CCSER2: variants seen among roughly 807,000 people sequenced by gnomAD.
CCSER2 encodes the protein serine-rich coiled-coil domain-containing protein 2.
Under a neutral mutation model 92.3 loss-of-function variants are expected in CCSER2, and 46 were observed. The observed-to-expected ratio is 0.50, with a 90% CI of 0.39 to 0.64. The LOEUF is 0.64. CCSER2 is among the 30% of genes least tolerant of loss of function. The pLI is 0.00. For synonymous variants in CCSER2, 433 were observed against 431.4 expected, an observed-to-expected ratio of 1.00 and a Z score of -0.04; for missense variants, 1,244 against 1,238.9, an observed-to-expected ratio of 1.00 and a Z score of -0.06.
intron 9 of CCSER2, among the ~76,000 whole-genome samples, chr10:84,489,423 T>C (rs535184208): frequency 1.3e-5 from 2 of 152,328 alleles, no homozygotes; most frequent in South Asian, 4.1e-4. Flanking sequence ...TGGGTGCTCC[T>C]GTATTGGGTG....
chr10:84,496,206 T>C (rs368148361), intron 9 of CCSER2, among the ~76,000 whole-genome samples: 1 of 152,204 alleles, frequency 6.6e-6, no homozygotes, highest in Non-Finnish European at 1.5e-5. Flanking sequence ...TTCTTAAATA[T>C]TTTTTATGCG....
chr10:84,500,017 T>G, intron 9 of CCSER2: 1 of 1,612,092 alleles, frequency 6.2e-7, no homozygotes, highest in East Asian at 2.2e-5. Flanking sequence ...GGTATTTCCC[T>G]TCTGCATGAC....
intron 3 of CCSER2, among the ~76,000 whole-genome samples, chr10:84,402,040 A>G (rs912461442): frequency 2.0e-5 from 3 of 152,140 alleles, no homozygotes; most frequent in Admixed American, 6.6e-5. Context: ...CTATTTCCCA[A>G]TAGTACTAGT....
In CCSER2 at chr10:84,372,118, G is replaced by T; in HGVS notation, c.1066G>T (p.Ala356Ser). The T allele has an allele frequency of 6.2e-7, 1 of 1,613,584 alleles. No individual in the cohort carries two copies. Residue 356 changes from alanine to serine, a missense_variant, in exon 2 of 10, where the codon GCT becomes TCT. Physicochemically the swap from Ala to Ser is moderately conservative, Grantham distance 99. Coordinates refer to ENST00000372088, the MANE Select transcript of CCSER2 (RefSeq NM_001284240.2). ...TGTAGAGGAAGATGCTACAGTTTTG[G>T]CTAAGGACAGAGCTGCTAATAAGGA... ...TCVEEDATVL[A>S]KDRAANKDQE...
intron 8 of CCSER2, among the ~76,000 whole-genome samples, chr10:84,474,661 T>A (rs954852719): frequency 2.4e-4 from 15 of 62,604 alleles, no homozygotes; most frequent in African/African-American, 6.1e-4. Flanking sequence ...AGACTCCATC[T>A]CAAAAAAAAA....
At chr10:84,380,841 C>T (rs546601585) in intron 3 of CCSER2, among the ~76,000 whole-genome samples, 1 of 152,152 alleles carries the variant, frequency 6.6e-6, no homozygotes, top group South Asian at 2.1e-4. Context: ...ACTACAGGTG[C>T]CTGCCACCAC....
intron 9 of CCSER2, among the ~76,000 whole-genome samples, chr10:84,511,140 G>C (rs1448539348): frequency 6.6e-6 from 1 of 152,052 alleles, no homozygotes; most frequent in Non-Finnish European, 1.5e-5. Context: ...TTATAAAACT[G>C]TTAAATTCCT....
intron 6 of CCSER2, among the ~76,000 whole-genome samples, chr10:84,456,229 C>G (rs1845612271): frequency 6.6e-6 from 1 of 152,134 alleles, no homozygotes; most frequent in Non-Finnish European, 1.5e-5. Context: ...TCCCAGAATT[C>G]CTTTTCTTTT....
At chr10:84,439,624 AAATTG>A (rs2133517858) in intron 6 of CCSER2, among the ~76,000 whole-genome samples, 1 of 152,336 alleles carries the variant, frequency 6.6e-6, no homozygotes, top group Non-Finnish European at 1.5e-5. Context: ...AAAGTCAGGT[AAATTG>A]TTTTCTGTTA....
intron 5 of CCSER2, among the ~76,000 whole-genome samples, chr10:84,431,691 G>A (rs573418751): frequency 2.0e-5 from 3 of 152,094 alleles, no homozygotes; most frequent in South Asian, 4.2e-4. Flanking sequence ...GCAGTGAGCC[G>A]AGATCACCCC....
At position 84,350,379 on chromosome 10, in the gene CCSER2, G is replaced by GTT. The variant is rs55866325; in HGVS notation, c.-39-20627_-39-20626dup. On this transcript the variant is annotated intron_variant, in intron 1 of 9. Transcript: ENST00000372088. Reference sequence around the variant, plus strand: ...ACTTATGATTTGTAATTATTTAATTGTTTTTTTTTCTTTTTCTCTATTTCC... The same window carrying GTT: ...ACTTATGATTTGTAATTATTTAATTGTTTTTTTTTTTCTTTTTCTCTATTTCC... Among the ~76,000 whole-genome samples, 33 of 151,040 alleles carry GTT rather than the reference G, an allele frequency of 2.2e-4. No homozygotes were observed. In the East Asian group the frequency reaches 4.3e-3, roughly 20 times the overall value.
In CCSER2 at chr10:84,341,941, G is replaced by A. The variant is rs183493948; in HGVS notation, c.-40+13133G>A. Among the ~76,000 whole-genome samples the A allele has an allele frequency of 3.8e-3, 581 of 152,344 alleles. 3 individuals carry two copies. The highest frequency in any genetic ancestry group is 3.4e-3 in the Middle Eastern group (1 of 294). Reference sequence around the variant, plus strand: ...TCCTCTCTGGGTGTACCACTCTCCAGATATCTCCACGTATTCAGCTCTCTG... The same window carrying A: ...TCCTCTCTGGGTGTACCACTCTCCAAATATCTCCACGTATTCAGCTCTCTG... On this transcript the variant is annotated intron_variant, in intron 1 of 9. Transcript: ENST00000372088.
At chr10:84,367,584 G>A (rs1204580079) in intron 1 of CCSER2, among the ~76,000 whole-genome samples, 2 of 151,782 alleles carry the variant, frequency 1.3e-5, no homozygotes, top group Non-Finnish European at 2.9e-5. Flanking sequence ...TTGCCATGTT[G>A]TCCAGGCTGG....
chr10:84,347,414 AC>A (rs1387474911), intron 1 of CCSER2, among the ~76,000 whole-genome samples: 4 of 126,140 alleles, frequency 3.2e-5, no homozygotes, highest in African/African-American at 1.2e-4. Flanking sequence ...GGGGGTGCTG[AC>A]CCCCCACCTC....
chr10:84,359,484 T>C (rs1336958262), intron 1 of CCSER2, among the ~76,000 whole-genome samples: 1 of 152,216 alleles, frequency 6.6e-6, no homozygotes, highest in Non-Finnish European at 1.5e-5. Flanking sequence ...CTCTACAGAA[T>C]TGCTGAGCAC....
At position 84,502,573 on chromosome 10, in the gene CCSER2, G is replaced by T. The variant is rs905954940; in HGVS notation, c.2326-10876G>T. 2.0e-5 allele frequency among the ~76,000 whole-genome samples: 3 copies of T among 151,922 alleles called. 1 individual carries two copies. Among genetic ancestry groups the T allele is most frequent in the Admixed American group, 2.0e-4 (3 of 15,262 alleles). ...TTTTTAGTAGAGACGAGGTTTCACC[G>T]TGTTAGCCAGGGTGGTTTCAAACTT... On this transcript the variant is annotated intron_variant, in intron 9 of 9. Transcript: ENST00000372088.
intron 8 of CCSER2, among the ~76,000 whole-genome samples, chr10:84,475,695 T>C (rs1321655816): frequency 6.6e-6 from 1 of 152,214 alleles, no homozygotes; most frequent in Non-Finnish European, 1.5e-5. Context: ...TGCAATAGGA[T>C]GGAATAAGTA....
At chr10:84,332,772 A>G (rs1009996142) in intron 1 of CCSER2, among the ~76,000 whole-genome samples, 9 of 152,034 alleles carry the variant, frequency 5.9e-5, no homozygotes, top group South Asian at 2.1e-4. Flanking sequence ...GGCTGTTAAC[A>G]TAGTGAGACC....
chr10:84,500,318 G>A (rs1848658132), intron 9 of CCSER2, among the ~76,000 whole-genome samples: 1 of 152,174 alleles, frequency 6.6e-6, no homozygotes, highest in African/African-American at 2.4e-5. Context: ...AAGTGTACAT[G>A]TGATCTACAA....
Sources: gnomAD v4.1 joint callset for allele counts (sites outside exome capture counted in the v4.1 genomes callset) on GRCh38, gnomAD v4.1.1 for gene constraint, MANE v1.5 for transcripts, NCBI Gene and HGNC (gene_info 2026-07-23, HGNC 2026-07-21) for gene names.